The following DLC1 variants were observed in gnomAD, a reference collection of about 807,000 sequenced individuals.
DLC1 encodes DLC1 Rho GTPase activating protein.
A neutral mutation model predicts 140.3 loss-of-function variants in DLC1; 54 were observed. The ratio of observed to expected loss-of-function variants is 0.38; its 90% CI spans 0.31 to 0.48. The LOEUF is 0.48. Ranked by LOEUF, DLC1 falls within the 20% of genes least tolerant of loss-of-function variation. DLC1 has a pLI of 0.96. For missense variants in DLC1, 2,536 were observed against 1,907.0 expected, an observed-to-expected ratio of 1.33 and a Z score of -6.14; for synonymous variants, 986 against 728.1, an observed-to-expected ratio of 1.35 and a Z score of -5.70.
At chr8:13,579,082 A>G (rs1804949301) in intron 1 of DLC1, among the ~76,000 whole-genome samples, 1 of 151,010 alleles carries the variant, frequency 6.6e-6, no homozygotes, top group Non-Finnish European at 1.5e-5. Context: ...ATTTTAAGGG[A>G]TTTAGGAGCT....
chr8:13,089,746 C>T (rs1376610650), intron 15 of DLC1, among the ~76,000 whole-genome samples: 1 of 152,244 alleles, frequency 6.6e-6, no homozygotes, highest in Admixed American at 6.5e-5. Flanking sequence ...GCGGCATCAA[C>T]ATATACCTCC....
chr8:13,273,069 T>C (rs1831009456), intron 5 of DLC1, among the ~76,000 whole-genome samples: 1 of 152,220 alleles, frequency 6.6e-6, no homozygotes, highest in Non-Finnish European at 1.5e-5. Context: ...TATTTATGCA[T>C]TTAAAAAGAT....
intron 5 of DLC1, among the ~76,000 whole-genome samples, chr8:13,187,235 C>G (rs571199618): frequency 2.0e-5 from 3 of 152,118 alleles, no homozygotes; most frequent in Non-Finnish European, 4.4e-5. Context: ...TTGTTTGCCT[C>G]TCACCTGTAG....
chr8:13,498,446 A>G (rs1801615254), intron 2 of DLC1, among the ~76,000 whole-genome samples: 1 of 152,150 alleles, frequency 6.6e-6, no homozygotes. Context: ...TTTCTGGTTG[A>G]CAGTTAAGTA....
At position 13,247,881 on chromosome 8, in the gene DLC1, G is replaced by T. The variant is rs1256056235; in HGVS notation, c.1348+57388C>A. ...TGGCCCCATAGTGCTATCCATAACC[G>T]CTCAAAGTTAAAAGCATTTTTCAGT... On this transcript the variant is annotated intron_variant, in intron 5 of 17. Transcript: ENST00000276297. Among the ~76,000 whole-genome samples, 3 of 152,098 alleles carry T rather than the reference G, an allele frequency of 2.0e-5. No individual in the cohort carries two copies. In the East Asian group the frequency reaches 5.8e-4, roughly 29 times the overall value.
At chr8:13,165,157 C>T (rs1286943477) in intron 5 of DLC1, among the ~76,000 whole-genome samples, 1 of 152,096 alleles carries the variant, frequency 6.6e-6, no homozygotes, top group Non-Finnish European at 1.5e-5. Context: ...ATAACTGTGT[C>T]CTATGCAATA....
chr8:13,218,930 G>T (rs372059012), intron 5 of DLC1, among the ~76,000 whole-genome samples: 1 of 30,012 alleles, frequency 3.3e-5, no homozygotes, highest in Non-Finnish European at 5.6e-5. Context: ...ATATAATTAC[G>T]TACGAATATG....
intron 1 of DLC1, among the ~76,000 whole-genome samples, chr8:13,603,171 C>G (rs1231577050): frequency 6.6e-6 from 1 of 151,766 alleles, no homozygotes; most frequent in African/African-American, 2.4e-5. Context: ...AATAATAATG[C>G]TGGCTTTTAC....
intron 4 of DLC1, among the ~76,000 whole-genome samples, chr8:13,350,046 T>C (rs1834564244): frequency 6.6e-6 from 1 of 152,200 alleles, no homozygotes; most frequent in South Asian, 2.1e-4. Context: ...ATAGTCTTTC[T>C]TGATGAGTCT....
At chr8:13,107,809 T>C (rs796505824) in intron 7 of DLC1, among the ~76,000 whole-genome samples, 2 of 152,174 alleles carry the variant, frequency 1.3e-5, no homozygotes, top group African/African-American at 2.4e-5. Flanking sequence ...CCCCAGCCCT[T>C]TGGGAGCCCA....
intron 1 of DLC1, among the ~76,000 whole-genome samples, chr8:13,589,890 G>GA (rs886760204): frequency 5.3e-5 from 8 of 150,708 alleles, no homozygotes; most frequent in Admixed American, 1.3e-4. Context: ...TAGTGTTTTG[G>GA]AAAAAAAAGG....
chr8:13,599,595 G>A (rs1020832004), intron 1 of DLC1, among the ~76,000 whole-genome samples: 9 of 151,884 alleles, frequency 5.9e-5, no homozygotes, highest in African/African-American at 9.7e-5. Flanking sequence ...AATAAACTAC[G>A]GAAGTTGAAG....
chr8:13,327,120 A>ATTTTTTTT (rs34667525), intron 4 of DLC1, among the ~76,000 whole-genome samples: 2 of 85,660 alleles, frequency 2.3e-5, no homozygotes, highest in Non-Finnish European at 4.3e-5. Context: ...ACACCCGGCT[A>ATTTTTTTT]TTTTTTTTTT....
chr8:13,282,458 T>G (rs950126641), intron 5 of DLC1, among the ~76,000 whole-genome samples: 1 of 152,170 alleles, frequency 6.6e-6, no homozygotes, highest in Non-Finnish European at 1.5e-5. Context: ...ATTTGCAATT[T>G]CTATAGAAAA....
chr8:13,506,458 A>G (rs918747585), intron 1 of DLC1, among the ~76,000 whole-genome samples: 2 of 151,192 alleles, frequency 1.3e-5, no homozygotes, highest in Admixed American at 6.6e-5. Context: ...GGTTTCCCTT[A>G]GAGTTTTTCA....
chr8:13,100,293 T>C lies in DLC1; in HGVS notation c.2044A>G (p.Ser682Gly). The change falls in exon 9 of 18, where the codon AGC becomes GGC. Residue 682 changes from serine (S) to glycine (G), a missense_variant. Transcript: ENST00000276297. ...ESLKLKSSHH[S>G]KHKAPSKLGL... ...AGCTTTGAGGGCGCTTTGTGCTTGC[T>C]GTGATGGGAGCTCTTGAGCTTCAGG... 6.2e-7 allele frequency: 1 copy of C among 1,614,204 alleles called. No homozygotes were observed. Among genetic ancestry groups the C allele is most frequent in the Non-Finnish European group, 8.5e-7 (1 of 1,180,048 alleles).
intron 5 of DLC1, among the ~76,000 whole-genome samples, chr8:13,169,131 G>C (rs1344509178): frequency 1.3e-5 from 2 of 152,280 alleles, no homozygotes; most frequent in Admixed American, 6.5e-5. Context: ...AAATTTGGGG[G>C]CTTTACTACT....
chr8:13,559,939 C>T (rs17094642), intron 1 of DLC1, among the ~76,000 whole-genome samples: 20 of 152,042 alleles, frequency 1.3e-4, no homozygotes, highest in Non-Finnish European at 2.4e-4. Flanking sequence ...TAAAGATGCC[C>T]AGAACCATTC....
intron 5 of DLC1, among the ~76,000 whole-genome samples, chr8:13,199,405 A>C (rs537959611): frequency 1.3e-5 from 2 of 151,856 alleles, no homozygotes; most frequent in East Asian, 3.9e-4. Context: ...GCTGGTCTAG[A>C]ACTCCAGGCC....
Sources: gnomAD v4.1 joint callset for allele counts (sites outside exome capture counted in the v4.1 genomes callset) on GRCh38, gnomAD v4.1.1 for gene constraint, MANE v1.5 for transcripts, NCBI Gene and HGNC (gene_info 2026-07-23, HGNC 2026-07-21) for gene names.